SLC22A9: variants seen among roughly 807,000 people sequenced by gnomAD.
SLC22A9 encodes the protein organic anion transporter 7.
SLC22A9 carries 64 observed loss-of-function variants against 50.1 expected under a neutral mutation model. That is an observed-to-expected ratio of 1.28 (90% CI 1.04 to 1.57). SLC22A9 has a LOEUF of 1.57. Ranked by LOEUF, SLC22A9 falls within the 40% of genes most tolerant of loss-of-function variation. The pLI, the probability that SLC22A9 is intolerant of heterozygous loss-of-function variation, is 0.00. For missense variants in SLC22A9, 757 were observed against 676.1 expected (o/e 1.12, Z -1.33); for synonymous variants, 261 against 242.5 (o/e 1.08, Z -0.71).
rs147634218 is a variant in SLC22A9, at chr11:63,393,888, G to A, written c.1073+11611G>A. On this transcript the variant is annotated intron_variant, in intron 6 of 9. Coordinates refer to ENST00000279178, the MANE Select transcript of SLC22A9 (RefSeq NM_080866.3). The stretch of plus-strand genomic sequence containing the variant: ...GTTCTCCTGGATAATATTCTGAAGA[G>A]TGTTTTCCAACTTGTTTCCATCCTC... Among the ~76,000 whole-genome samples, 934 of 152,226 alleles carry A rather than the reference G, an allele frequency of 6.1e-3. 10 individuals are homozygous for A. Among genetic ancestry groups the A allele is most frequent in the African/African-American group, 0.021 (855 of 41,540 alleles).
At position 63,374,042 on chromosome 11, in the gene SLC22A9, T is replaced by C. The variant is rs1202396789; in HGVS notation, c.810T>C (p.Phe270=). 5 of 1,609,492 alleles carry C rather than the reference T, an allele frequency of 3.1e-6. No homozygotes were observed. Among genetic ancestry groups the C allele is most frequent in the Admixed American group, 1.7e-5 (1 of 58,948 alleles). The change falls in exon 4 of 10, where the codon TTT becomes TTC. Residue 270 remains phenylalanine, a synonymous_variant. Transcript: ENST00000279178. ...ILQLVVSVPY[F]VIFLTSSWLL... is the part of the protein sequence containing the mutation. ...AGCTGGTGGTGTCTGTACCATACTT[T>C]GTGATCTTTCTGACCTCAAGGTATG...
Position 63,380,346 on chromosome 11 carries a change from C to T in SLC22A9, c.955-1813C>T, listed in dbSNP as rs573967269. 3.9e-5 allele frequency among the ~76,000 whole-genome samples: 6 copies of T among 152,148 alleles called. No homozygotes were observed. In the South Asian group the frequency reaches 1.0e-3, roughly 26 times the overall value. On this transcript the variant is annotated intron_variant, in intron 5 of 9. Coordinates refer to ENST00000279178, the MANE Select transcript of SLC22A9 (RefSeq NM_080866.3). The stretch of plus-strand genomic sequence containing the variant: ...GCAATCTACTACTGGGTGTATACCC[C>T]TCAAAATGCAAATTTTTCTGTCATA...
At chr11:63,397,472 A>G (rs1194308741) in intron 6 of SLC22A9, among the ~76,000 whole-genome samples, 2 of 152,170 alleles carry the variant, frequency 1.3e-5, no homozygotes, top group African/African-American at 4.8e-5. Context: ...CACGGTCACA[A>G]GTTCCCTACA....
chr11:63,382,395 C>T (rs566313444), intron 6 of SLC22A9, 118 bp downstream of exon 6: 18 of 692,734 alleles, frequency 2.6e-5, no homozygotes, highest in South Asian at 1.3e-4. Flanking sequence ...ATGAGAAAGC[C>T]GTAAAGAGAA....
In SLC22A9 at chr11:63,409,834, A is replaced by C; in HGVS notation, c.1634A>C (p.Asp545Ala). The C allele has an allele frequency of 6.2e-7, 1 of 1,613,754 alleles. No homozygotes were observed. Among genetic ancestry groups the C allele is most frequent in the Admixed American group, 1.7e-5 (1 of 59,954 alleles). ...GACCCCAGAGAACCAAAGCAAGAGG[A>C]TCCGAGAGTGGAAGTGACGCAGTTT... ...RKDPREPKQE[D>A]PRVEVTQF The change falls in exon 10 of 10, where the codon GAT becomes GCT. Residue 545 changes from aspartate to alanine, a missense_variant. Asp to Ala is a moderately radical substitution (Grantham distance 126). Coordinates refer to ENST00000279178, the MANE Select transcript of SLC22A9 (RefSeq NM_080866.3).
chr11:63,374,134 A>C, intron 4 of SLC22A9, 72 bp downstream of exon 4: 1 of 1,420,800 alleles, frequency 7.0e-7, no homozygotes, highest in South Asian at 1.5e-5. Context: ...AGGACACCTG[A>C]ATTTCTTTTT....
At chr11:63,400,259 CTTTAT>C (rs756595596) in intron 6 of SLC22A9, among the ~76,000 whole-genome samples, 29 of 151,818 alleles carry the variant, frequency 1.9e-4, no homozygotes, top group Non-Finnish European at 3.5e-4. Context: ...ATCAACAAGG[CTTTAT>C]GCAAACTAAG....
At chr11:63,385,112 T>TTTG (rs1367315273) in intron 6 of SLC22A9, among the ~76,000 whole-genome samples, 3 of 139,118 alleles carry the variant, frequency 2.2e-5, no homozygotes, top group African/African-American at 5.1e-5. Flanking sequence ...TACAGTTTTT[T>TTTG]TTTTTTTTTT....
rs757799293 is a variant in SLC22A9 at position 63,370,467 on chromosome 11, C to T, written c.402+9C>T. On this transcript the variant is annotated intron_variant, in intron 1 of 9. Coordinates refer to ENST00000279178, the MANE Select transcript of SLC22A9 (RefSeq NM_080866.3). ...CCACCATCGTGACTGAGGTAAGAGG[C>T]TCTGTTCTCGTCTCATGAGTATGTG... 1 of 1,564,380 alleles carries T rather than the reference C, an allele frequency of 6.4e-7. No individual in the cohort carries two copies. Among genetic ancestry groups the T allele is most frequent in the Non-Finnish European group, 8.6e-7 (1 of 1,157,380 alleles).
chr11:63,393,603 A>T (rs912394480), intron 6 of SLC22A9, among the ~76,000 whole-genome samples: 1 of 152,106 alleles, frequency 6.6e-6, no homozygotes, highest in Non-Finnish European at 1.5e-5. Context: ...TGTCCTTTGT[A>T]TGCCAGTTTT....
intron 5 of SLC22A9, among the ~76,000 whole-genome samples, chr11:63,377,642 G>A (rs2014487462): frequency 2.0e-5 from 3 of 151,722 alleles, no homozygotes; most frequent in African/African-American, 4.8e-5. Flanking sequence ...CAAACCTATT[G>A]GAACTAGAAA....
chr11:63,404,163 A>T (rs1446271471), intron 6 of SLC22A9, among the ~76,000 whole-genome samples: 3 of 152,156 alleles, frequency 2.0e-5, no homozygotes, highest in African/African-American at 7.2e-5. Context: ...TATTAGCCTC[A>T]AAAAAGAAAG....
At position 63,377,063 on chromosome 11, in the gene SLC22A9, C is replaced by CTCTTTG. The variant is rs570345327; in HGVS notation, c.954+1296_954+1297insCTTTGT. Reference sequence around the variant, plus strand: ...ATTCATACAACGAGTTCTTAGAAATCTACAAAGAGACTTAGATAAATCATA... The same window carrying CTCTTTG: ...ATTCATACAACGAGTTCTTAGAAATCTCTTTGTACAAAGAGACTTAGATAAATCATA... On this transcript the variant is annotated intron_variant, in intron 5 of 9. Coordinates refer to ENST00000279178, the MANE Select transcript of SLC22A9 (RefSeq NM_080866.3). Among the ~76,000 whole-genome samples the CTCTTTG allele has an allele frequency of 2.5e-3, 384 of 152,164 alleles. 1 individual carries two copies. Among genetic ancestry groups the CTCTTTG allele is most frequent in the Non-Finnish European group, 4.6e-3 (310 of 67,982 alleles).
intron 8 of SLC22A9, 83 bp downstream of exon 8, chr11:63,408,303 G>T: frequency 9.5e-7 from 1 of 1,048,838 alleles, no homozygotes. Context: ...AGAAATCTAA[G>T]ACTGGTTCAT....
chr11:63,406,653 G>C lies in SLC22A9; in HGVS notation c.1230G>C (p.Gln410His). Residue 410 changes from glutamine to histidine, a missense_variant, in exon 7 of 10, where the codon CAG becomes CAC. Physicochemically the swap from Gln to His is conservative, Grantham distance 24. Transcript: ENST00000279178. ...AATACATGAACCGTCGAGCAAGCCA[G>C]ATGCTTCTCATGTTCCTACTGGCAA... is the stretch of plus-strand genomic sequence containing the variant. ...ALKYMNRRAS[Q>H]MLLMFLLAIC... 4.3e-6 allele frequency: 7 copies of C among 1,613,754 alleles called. No individual in the cohort carries two copies. Among genetic ancestry groups the C allele is most frequent in the African/African-American group, 1.3e-5 (1 of 75,018 alleles).
At chr11:63,394,254 T>C (rs556058311) in intron 6 of SLC22A9, among the ~76,000 whole-genome samples, 4 of 152,274 alleles carry the variant, frequency 2.6e-5, no homozygotes, top group African/African-American at 7.2e-5. Context: ...ATCATGCTAT[T>C]TGTCACATTT....
intron 1 of SLC22A9, 37 bp from the exon 2 acceptor site, chr11:63,371,098 T>C (rs1565180202): frequency 6.9e-7 from 1 of 1,457,552 alleles, no homozygotes; most frequent in South Asian, 1.2e-5. Flanking sequence ...CACTGAGGGG[T>C]AATAAGCATT....
At chr11:63,370,561 T>C in intron 1 of SLC22A9, 103 bp downstream of exon 1, 2 of 1,319,746 alleles carry the variant, frequency 1.5e-6, no homozygotes, top group South Asian at 3.5e-5. Flanking sequence ...AGGTCCTTAG[T>C]CTTCATTCTT....
chr11:63,398,045 C>A (rs182494171), intron 6 of SLC22A9, among the ~76,000 whole-genome samples: 48 of 152,308 alleles, frequency 3.2e-4, no homozygotes, highest in African/African-American at 1.1e-3. Flanking sequence ...ATCGAGTGAA[C>A]TACCTGGCCA....
Sources: allele counts gnomAD v4.1 joint callset (sites outside exome capture counted in the v4.1 genomes callset), GRCh38; gene constraint gnomAD v4.1.1; transcripts MANE v1.5; gene names NCBI Gene and HGNC (gene_info 2026-07-23, HGNC 2026-07-21).